CENPU: variants seen among roughly 807,000 people sequenced by gnomAD.
The protein encoded by CENPU is KSHV latent nuclear antigen interacting protein 1.
Under a neutral mutation model 56.7 loss-of-function variants are expected in CENPU, and 46 were observed. The ratio of observed to expected loss-of-function variants is 0.81; its 90% CI spans 0.64 to 1.04. CENPU has a LOEUF of 1.04. Ranked by LOEUF, CENPU falls within the 50% of genes least tolerant of loss-of-function variation. The pLI, the probability that CENPU is intolerant of heterozygous loss-of-function variation, is 0.00. For missense variants in CENPU, 510 were observed against 490.1 expected, an observed-to-expected ratio of 1.04 and a Z score of -0.38; for synonymous variants, 166 against 163.0, an observed-to-expected ratio of 1.02 and a Z score of -0.14.
intron 8 of CENPU, among the ~76,000 whole-genome samples, chr4:184,703,367 T>C (rs1335124261): frequency 2.0e-5 from 3 of 152,146 alleles, no homozygotes; most frequent in Non-Finnish European, 4.4e-5. Context: ...TCAGAAACTA[T>C]AAAGCTGACT....
At chr4:184,715,926 GC>G (rs869225339) in intron 6 of CENPU, among the ~76,000 whole-genome samples, 6,440 of 135,536 alleles carry the variant, frequency 0.048, 462 homozygotes, top group African/African-American at 0.16. Flanking sequence ...ATACCTTCTA[GC>G]TTTTTTTTTG....
chr4:184,717,372 AC>A (rs1761129605), intron 4 of CENPU, among the ~76,000 whole-genome samples, 176 bp from the exon 5 acceptor site: 1 of 152,118 alleles, frequency 6.6e-6, no homozygotes, highest in Non-Finnish European at 1.5e-5. Context: ...ATCTTCCCAT[AC>A]CCAGGCCACA....
At chr4:184,727,842 C>G (rs929957248) in intron 3 of CENPU, among the ~76,000 whole-genome samples, 1 of 152,094 alleles carries the variant, frequency 6.6e-6, no homozygotes, top group Non-Finnish European at 1.5e-5. Flanking sequence ...GGTAGATACA[C>G]GTTACAACAT....
At chr4:184,698,639 G>A (rs549180108) in intron 11 of CENPU, among the ~76,000 whole-genome samples, 41 of 152,182 alleles carry the variant, frequency 2.7e-4, no homozygotes, top group African/African-American at 8.9e-4. Context: ...TAGTAGAGAC[G>A]GGGTTTCACC....
At chr4:184,716,373 C>G (rs769881491) in intron 6 of CENPU, 24 bp downstream of exon 6, 1 of 1,569,342 alleles carries the variant, frequency 6.4e-7, no homozygotes. Context: ...TTTTGCCCTC[C>G]TAGGGGATGG....
intron 4 of CENPU, among the ~76,000 whole-genome samples, chr4:184,720,030 T>G (rs941212250): frequency 6.6e-6 from 1 of 152,022 alleles, no homozygotes; most frequent in African/African-American, 2.4e-5. Context: ...TCAAATGAAC[T>G]AAATAAGGCA....
chr4:184,728,784 T>G (rs1761541254), intron 3 of CENPU, 134 bp downstream of exon 3: 3 of 654,886 alleles, frequency 4.6e-6, no homozygotes, highest in Non-Finnish European at 8.1e-6. Flanking sequence ...AATTATCAAG[T>G]ACTCCCCAGA....
chr4:184,715,459 C>T (rs772330313), intron 6 of CENPU, among the ~76,000 whole-genome samples: 2 of 152,068 alleles, frequency 1.3e-5, no homozygotes, highest in East Asian at 3.9e-4. Flanking sequence ...ATTACAGGCA[C>T]GCGCCACCAC....
chr4:184,713,415 T>C (rs1760989537), intron 6 of CENPU, among the ~76,000 whole-genome samples: 1 of 152,170 alleles, frequency 6.6e-6, no homozygotes, highest in African/African-American at 2.4e-5. Context: ...AAACTTTAGC[T>C]ACAATTCTCA....
chr4:184,732,770 C>G (rs6845141), intron 1 of CENPU, among the ~76,000 whole-genome samples: 152,124 of 152,292 alleles, frequency 1, 75,980 homozygotes, highest in Non-Finnish European at 1. Flanking sequence ...TTGGGAACCC[C>G]AGGAGGGCGG....
chr4:184,732,858 T>A (rs1761699166), intron 1 of CENPU, among the ~76,000 whole-genome samples: 1 of 151,934 alleles, frequency 6.6e-6, no homozygotes, highest in African/African-American at 2.4e-5. Context: ...AAAAATTAGC[T>A]GGACGTGGGG....
chr4:184,733,970 C>A, intron 1 of CENPU, 46 bp downstream of exon 1: 1 of 1,611,026 alleles, frequency 6.2e-7, no homozygotes, highest in Non-Finnish European at 8.5e-7. Flanking sequence ...GGAAGCAGTT[C>A]AAGCTGGTCT....
intron 8 of CENPU, among the ~76,000 whole-genome samples, chr4:184,706,723 A>G (rs1174405914): frequency 6.6e-6 from 1 of 152,234 alleles, no homozygotes; most frequent in Non-Finnish European, 1.5e-5. Flanking sequence ...AGAACACCAT[A>G]TTGTCAAGGA....
chr4:184,699,943 C>T (rs1760477090), intron 11 of CENPU, among the ~76,000 whole-genome samples: 1 of 152,228 alleles, frequency 6.6e-6, no homozygotes, highest in Non-Finnish European at 1.5e-5. Flanking sequence ...AGGCGTGAGC[C>T]ACCGTGCCCG....
At chr4:184,700,338 G>A (rs561226890) in intron 11 of CENPU, among the ~76,000 whole-genome samples, 7 of 152,294 alleles carry the variant, frequency 4.6e-5, no homozygotes, top group Non-Finnish European at 7.3e-5. Flanking sequence ...TACTGTGTGC[G>A]CCTGTCCCTG....
intron 6 of CENPU, among the ~76,000 whole-genome samples, chr4:184,713,292 G>A (rs1183857339): frequency 6.6e-6 from 1 of 152,244 alleles, no homozygotes; most frequent in Non-Finnish European, 1.5e-5. Flanking sequence ...TGGGGAGGCT[G>A]AGGCAGGAGA....
chr4:184,719,322 C>G (rs1372013199), intron 4 of CENPU, among the ~76,000 whole-genome samples: 1 of 152,218 alleles, frequency 6.6e-6, no homozygotes, highest in Non-Finnish European at 1.5e-5. Flanking sequence ...CTGCGTGGCA[C>G]AGAGAATCTG....
At chr4:184,711,994 G>A (rs966130465) in intron 7 of CENPU, among the ~76,000 whole-genome samples, 2 of 151,670 alleles carry the variant, frequency 1.3e-5, no homozygotes. Flanking sequence ...GGTGGCGTGG[G>A]CCTATAGTCT....
chr4:184,701,332 T>A (rs1023148802), intron 10 of CENPU, among the ~76,000 whole-genome samples: 1 of 152,316 alleles, frequency 6.6e-6, no homozygotes, highest in Admixed American at 6.5e-5. Flanking sequence ...ACATTCATAA[T>A]GTTCCCACTC....
Sources: gnomAD v4.1 joint callset for allele counts (sites outside exome capture counted in the v4.1 genomes callset) on GRCh38, gnomAD v4.1.1 for gene constraint, MANE v1.5 for transcripts, NCBI Gene and HGNC (gene_info 2026-07-23, HGNC 2026-07-21) for gene names.